Variants in SGCZ observed in about 807,000 individuals in gnomAD.
SGCZ encodes sarcoglycan zeta, also known as zeta-sarcoglycan.
In SGCZ, 40 loss-of-function variants were observed where a neutral mutation model predicts 41.3. That is an observed-to-expected ratio of 0.97 (90% CI 0.75 to 1.26). The LOEUF (loss-of-function observed/expected upper bound fraction) is 1.26. Ranked by LOEUF, SGCZ falls within the 50% of genes most tolerant of loss-of-function variation. The pLI is 0.00. For synonymous variants in SGCZ, 206 were observed against 137.5 expected, an observed-to-expected ratio of 1.50 and a Z score of -3.49; for missense variants, 552 against 369.8, an observed-to-expected ratio of 1.49 and a Z score of -4.04.
At chr8:15,099,725 C>T (rs1806529708) in intron 1 of SGCZ, among the ~76,000 whole-genome samples, 1 of 152,000 alleles carries the variant, frequency 6.6e-6, no homozygotes, top group Admixed American at 6.6e-5. Context: ...CAAATTGAAT[C>T]CAACAATGTA....
chr8:14,429,790 G>GT (rs899271373), intron 2 of SGCZ, among the ~76,000 whole-genome samples: 180 of 147,384 alleles, frequency 1.2e-3, no homozygotes, highest in African/African-American at 2.5e-3. Context: ...TCTTGGACTT[G>GT]TTTTTTTTTT....
intron 1 of SGCZ, among the ~76,000 whole-genome samples, chr8:14,656,277 T>C (rs1807565507): frequency 6.6e-6 from 1 of 152,076 alleles, no homozygotes; most frequent in Non-Finnish European, 1.5e-5. Context: ...GTTTTAGCCA[T>C]TCTGATAAAT....
At chr8:15,148,067 C>A (rs1799083864) in intron 1 of SGCZ, among the ~76,000 whole-genome samples, 1 of 148,186 alleles carries the variant, frequency 6.7e-6, no homozygotes, top group Non-Finnish European at 1.5e-5. Context: ...AAGGACCAAC[C>A]AAGTCTCCTA....
At chr8:14,169,899 T>C (rs1346231108) in intron 4 of SGCZ, among the ~76,000 whole-genome samples, 3 of 152,066 alleles carry the variant, frequency 2.0e-5, no homozygotes, top group Non-Finnish European at 4.4e-5. Context: ...AAGAAAGGGC[T>C]GAAAGGCAGA....
At chr8:14,756,625 C>G (rs894259) in intron 1 of SGCZ, among the ~76,000 whole-genome samples, 1 of 152,036 alleles carries the variant, frequency 6.6e-6, no homozygotes, top group South Asian at 2.1e-4. Context: ...ACATAACAGG[C>G]GTGCTTCTAA....
chr8:15,220,289 C>T (rs1009667676), intron 1 of SGCZ, among the ~76,000 whole-genome samples: 8 of 152,196 alleles, frequency 5.3e-5, no homozygotes, highest in Non-Finnish European at 1.2e-4. Flanking sequence ...CAGTTCCTTA[C>T]TCCAAACTTC....
intron 1 of SGCZ, among the ~76,000 whole-genome samples, chr8:14,895,149 C>T (rs149563132): frequency 3.5e-4 from 54 of 152,148 alleles, no homozygotes; most frequent in African/African-American, 1.2e-3. Context: ...TACAATTAAT[C>T]GTTTAGTAAG....
At chr8:14,328,922 G>C (rs1023659698) in intron 2 of SGCZ, among the ~76,000 whole-genome samples, 3 of 152,192 alleles carry the variant, frequency 2.0e-5, no homozygotes, top group Non-Finnish European at 2.9e-5. Context: ...GTAGGATACA[G>C]AGCATTCCTT....
Position 14,324,094 on chromosome 8 carries a change from A to G in SGCZ, c.336+9T>C. 2.5e-6 allele frequency: 4 copies of G among 1,590,462 alleles called. No individual in the cohort carries two copies. The highest frequency in any genetic ancestry group is 3.4e-6 in the Non-Finnish European group (4 of 1,159,836). ...TCTTTTAGAGTAAGCCAAAGCCAGT[A>G]TCACATACCTTTCGAGAATGAATTT... On this transcript the variant is annotated intron_variant, in intron 3 of 7. Coordinates refer to ENST00000382080, the MANE Select transcript of SGCZ (RefSeq NM_139167.4).
chr8:14,302,741 G>A (rs1801238559), intron 3 of SGCZ, among the ~76,000 whole-genome samples: 1 of 152,102 alleles, frequency 6.6e-6, no homozygotes, highest in African/African-American at 2.4e-5. Flanking sequence ...TTATAAGGAA[G>A]TACACAGAAA....
chr8:14,141,858 C>T (rs1309647074), intron 5 of SGCZ, among the ~76,000 whole-genome samples: 1 of 152,206 alleles, frequency 6.6e-6, no homozygotes, highest in Non-Finnish European at 1.5e-5. Flanking sequence ...TATAAAGACA[C>T]ATGCACACGT....
intron 1 of SGCZ, among the ~76,000 whole-genome samples, chr8:14,989,432 G>A (rs989236512): frequency 2.6e-5 from 4 of 152,036 alleles, no homozygotes; most frequent in African/African-American, 9.7e-5. Flanking sequence ...GCTGCAGTGA[G>A]CTACGATCAC....
intron 3 of SGCZ, among the ~76,000 whole-genome samples, chr8:14,294,465 A>C (rs1333020121): frequency 2.0e-5 from 3 of 151,972 alleles, no homozygotes; most frequent in Non-Finnish European, 2.9e-5. Context: ...TCTAGAAGAA[A>C]ATATATAAAA....
At chr8:14,821,844 C>A (rs573430044) in intron 1 of SGCZ, among the ~76,000 whole-genome samples, 3 of 152,210 alleles carry the variant, frequency 2.0e-5, no homozygotes, top group African/African-American at 7.2e-5. Flanking sequence ...GACAAATCCA[C>A]AGCTACTATC....
chr8:15,226,115 G>A lies in SGCZ; in HGVS notation c.39+11470C>T, dbSNP rs542977714. Among the ~76,000 whole-genome samples the A allele has an allele frequency of 3.3e-5, 5 of 152,278 alleles. No homozygotes were observed. The South Asian group carries it at 6.2e-4, about 19-fold the overall frequency. On this transcript the variant is annotated intron_variant, in intron 1 of 7. Transcript: ENST00000382080. ...AGGTAACTAACAAACTGAGTACATT[G>A]AGTACTAATATGCAGCTCAGAAATT...
chr8:14,715,984 T>A (rs774774939), intron 1 of SGCZ, among the ~76,000 whole-genome samples: 2 of 152,136 alleles, frequency 1.3e-5, no homozygotes, highest in African/African-American at 2.4e-5. Flanking sequence ...CTAAAATTTA[T>A]GGCACTAGTA....
chr8:14,809,366 G>A (rs1452390789), intron 1 of SGCZ, among the ~76,000 whole-genome samples: 1 of 152,044 alleles, frequency 6.6e-6, no homozygotes, highest in East Asian at 1.9e-4. Context: ...TGTTTTGCTG[G>A]CACTAAATGA....
chr8:14,911,912 G>A (rs1474698831), intron 1 of SGCZ, among the ~76,000 whole-genome samples: 11 of 151,756 alleles, frequency 7.2e-5, no homozygotes, highest in Admixed American at 7.2e-4. Context: ...TCTCTATACT[G>A]CAATGATAAA....
chr8:14,644,127 G>C (rs72607322), intron 1 of SGCZ, among the ~76,000 whole-genome samples: 29,259 of 151,682 alleles, frequency 0.19, 3,339 homozygotes, highest in East Asian at 0.59. Flanking sequence ...GATGGTTAAT[G>C]TTATTTCTCC....
Sources: gnomAD v4.1 joint callset for allele counts (sites outside exome capture counted in the v4.1 genomes callset) on GRCh38, gnomAD v4.1.1 for gene constraint, MANE v1.5 for transcripts, NCBI Gene and HGNC (gene_info 2026-07-23, HGNC 2026-07-21) for gene names.